ZNF148: variants seen among roughly 807,000 people sequenced by gnomAD.
ZNF148 encodes the protein Beta-Enolase Repressor Factor-1.
Under a neutral mutation model 67.7 loss-of-function variants are expected in ZNF148, and 7 were observed. The ratio of observed to expected loss-of-function variants is 0.10; its 90% CI spans 0.06 to 0.19. ZNF148 has a LOEUF of 0.19. ZNF148 is among the 10% of genes least tolerant of loss of function. The pLI is 1.00. For synonymous variants in ZNF148, 333 were observed against 330.7 expected (o/e 1.01, Z -0.08); for missense variants, 583 against 947.1 (o/e 0.62, Z 5.05).
intron 1 of ZNF148, among the ~76,000 whole-genome samples, chr3:125,366,194 C>T (rs1437701537): frequency 6.6e-6 from 1 of 152,154 alleles, no homozygotes; most frequent in Admixed American, 6.5e-5. Flanking sequence ...CACCATAACC[C>T]TTGCCAGGAA....
chr3:125,256,644 C>G (rs966764449), intron 7 of ZNF148, among the ~76,000 whole-genome samples: 7 of 152,188 alleles, frequency 4.6e-5, no homozygotes, highest in Non-Finnish European at 1.0e-4. Context: ...CCACTACACT[C>G]CAGCCTGGGC....
intron 7 of ZNF148, among the ~76,000 whole-genome samples, chr3:125,258,214 A>G (rs1937176569): frequency 6.6e-6 from 1 of 151,922 alleles, no homozygotes; most frequent in Non-Finnish European, 1.5e-5. Flanking sequence ...TGAGGTCAGG[A>G]GATCGAAACC....
chr3:125,324,867 CAG>C (rs921384177), intron 2 of ZNF148, among the ~76,000 whole-genome samples: 5 of 152,122 alleles, frequency 3.3e-5, no homozygotes, highest in African/African-American at 1.2e-4. Context: ...ATTCACCTCT[CAG>C]TACTCCTGCA....
At chr3:125,264,518 G>A (rs1937484426) in intron 7 of ZNF148, among the ~76,000 whole-genome samples, 1 of 152,188 alleles carries the variant, frequency 6.6e-6, no homozygotes, top group South Asian at 2.1e-4. Context: ...CTCATCAATA[G>A]CCAAGGAAAA....
At chr3:125,293,094 A>C (rs887527405) in intron 4 of ZNF148, among the ~76,000 whole-genome samples, 6 of 152,182 alleles carry the variant, frequency 3.9e-5, no homozygotes, top group Admixed American at 3.9e-4. Flanking sequence ...TTAATACATA[A>C]AACTTTAAAT....
intron 6 of ZNF148, among the ~76,000 whole-genome samples, chr3:125,278,052 G>A (rs1385860174): frequency 1.3e-5 from 2 of 151,902 alleles, no homozygotes; most frequent in Non-Finnish European, 2.9e-5. Flanking sequence ...TTCAAGGGGG[G>A]GAAGGAAATA....
At chr3:125,299,858 A>C (rs1431629529) in intron 4 of ZNF148, among the ~76,000 whole-genome samples, 2 of 152,356 alleles carry the variant, frequency 1.3e-5, no homozygotes, top group East Asian at 3.9e-4. Flanking sequence ...TCTTGTGAAA[A>C]AACTAGAGTT....
chr3:125,328,272 T>C (rs774067460), intron 2 of ZNF148, among the ~76,000 whole-genome samples: 15 of 152,122 alleles, frequency 9.9e-5, no homozygotes, highest in Non-Finnish European at 1.8e-4. Context: ...GAACTGTTCT[T>C]CACTGCCCAC....
intron 7 of ZNF148, among the ~76,000 whole-genome samples, chr3:125,257,118 C>T (rs906526883): frequency 2.6e-5 from 4 of 151,956 alleles, no homozygotes; most frequent in African/African-American, 4.8e-5. Flanking sequence ...TCTGAATCAC[C>T]CATGAGTTTG....
chr3:125,317,662 T>TATATATATATATAGAGAG (rs752542874), intron 3 of ZNF148, among the ~76,000 whole-genome samples: 5 of 90,024 alleles, frequency 5.6e-5, no homozygotes, highest in Non-Finnish European at 1.1e-4. Context: ...TATATATATA[T>TATATATATATATAGAGAG]AGAGAGAGAG....
At chr3:125,301,269 T>C (rs1939573364) in intron 4 of ZNF148, among the ~76,000 whole-genome samples, 1 of 152,204 alleles carries the variant, frequency 6.6e-6, no homozygotes, top group Non-Finnish European at 1.5e-5. Flanking sequence ...CCCAGCAGGA[T>C]CACTTTTGAG....
chr3:125,232,530 G>A lies in ZNF148; in HGVS notation c.2196C>T (p.Pro732=), dbSNP rs1341044613. ...TTGATCCATGATAGGGAGCACGGAA[G>A]GGCTGTTCAAAGGAGCTCATTTGGT... ...QAYQMSSFEQ[P]FRAPYHGSRA... The change falls in exon 9 of 9, where the codon CCC becomes CCT. Residue 732 remains proline (P), a synonymous_variant. Transcript: ENST00000360647. The surrounding 1 kb of genome is among the most constrained non-coding windows in gnomAD (Gnocchi z 4.2). 1.9e-6 allele frequency: 3 copies of A among 1,613,702 alleles called. No homozygotes were observed. Among genetic ancestry groups the A allele is most frequent in the Non-Finnish European group, 2.5e-6 (3 of 1,179,746 alleles).
chr3:125,275,191 A>G (rs1280777923), intron 7 of ZNF148, among the ~76,000 whole-genome samples: 1 of 152,248 alleles, frequency 6.6e-6, no homozygotes, highest in Non-Finnish European at 1.5e-5. Context: ...AGGGAACAAT[A>G]GGGCAGAATT....
At chr3:125,266,261 T>C (rs4679377) in intron 7 of ZNF148, among the ~76,000 whole-genome samples, 117,248 of 151,980 alleles carry the variant, frequency 0.77, 45,752 homozygotes, top group African/African-American at 0.85. Flanking sequence ...CCAACAACCA[T>C]AGAAAATACA....
At position 125,227,168 on chromosome 3, in the gene ZNF148, T is replaced by A. The variant is rs1446389535; in HGVS notation, c.*5173A>T. On this transcript the variant is annotated 3_prime_UTR_variant, in exon 9 of 9. Coordinates refer to ENST00000360647, the MANE Select transcript of ZNF148 (RefSeq NM_021964.3). ...CAAATATTTCCATTTCACTACCCACTCAAGCATAGCAACCCAATTCATTTA... is the reference window on the plus strand; with the variant it reads ...CAAATATTTCCATTTCACTACCCACACAAGCATAGCAACCCAATTCATTTA... 1 of 152,354 alleles carries A rather than the reference T, an allele frequency of 6.6e-6. No individual in the cohort carries two copies. The highest frequency in any genetic ancestry group is 1.5e-5 in the Non-Finnish European group (1 of 68,016). The allele number at this position is 152,354 out of a possible 1,614,324, so 9.4% of individuals were successfully genotyped here.
intron 6 of ZNF148, 101 bp from the exon 7 acceptor site, chr3:125,277,910 A>C (rs1253350635): frequency 1.3e-5 from 10 of 789,374 alleles, no homozygotes; most frequent in Non-Finnish European, 1.7e-5. Flanking sequence ...CAAATTTTGG[A>C]AAATTACAAA....
chr3:125,255,377 G>GCTA (rs1229327068), intron 7 of ZNF148, among the ~76,000 whole-genome samples: 3 of 150,604 alleles, frequency 2.0e-5, no homozygotes, highest in Non-Finnish European at 4.4e-5. Context: ...CTCCCAAGTA[G>GCTA]CTAGGATTAT....
chr3:125,373,952 T>C (rs1942975496), intron 1 of ZNF148, among the ~76,000 whole-genome samples: 1 of 152,224 alleles, frequency 6.6e-6, no homozygotes, highest in Non-Finnish European at 1.5e-5. Context: ...CTGGACCAGA[T>C]AAACTGGGCA....
chr3:125,339,308 A>C (rs1278272046), intron 1 of ZNF148, among the ~76,000 whole-genome samples: 2 of 152,266 alleles, frequency 1.3e-5, no homozygotes, highest in African/African-American at 4.8e-5. Context: ...TAATTAGAAT[A>C]AATCAGTTGC....
Sources: allele counts gnomAD v4.1 joint callset (sites outside exome capture counted in the v4.1 genomes callset), GRCh38; gene constraint gnomAD v4.1.1; non-coding constraint Gnocchi (gnomAD v3.1); transcripts MANE v1.5; gene names NCBI Gene and HGNC (gene_info 2026-07-23, HGNC 2026-07-21).